SORCS1: variants seen among roughly 807,000 people sequenced by gnomAD.
SORCS1 encodes the protein sortilin related VPS10 domain containing receptor 1.
Under a neutral mutation model 146.1 loss-of-function variants are expected in SORCS1, and 60 were observed. The observed-to-expected ratio is 0.41, with a 90% CI of 0.33 to 0.51. The LOEUF is 0.51. SORCS1 is among the 20% of genes least tolerant of loss of function. The pLI, the probability that SORCS1 is intolerant of heterozygous loss-of-function variation, is 0.21. For missense variants in SORCS1, 1,352 were observed against 1,487.6 expected, an observed-to-expected ratio of 0.91 and a Z score of 1.50; for synonymous variants, 637 against 584.0, an observed-to-expected ratio of 1.09 and a Z score of -1.31.
At chr10:107,105,272 C>T (rs186968127) in intron 1 of SORCS1, among the ~76,000 whole-genome samples, 11 of 152,134 alleles carry the variant, frequency 7.2e-5, no homozygotes, top group African/African-American at 2.4e-4. Flanking sequence ...ATATGAAAGG[C>T]AAGTAGAAGT....
chr10:106,743,911 CA>C lies in SORCS1; in HGVS notation c.960-13798del, dbSNP rs1322088704. ...CTTTAATATTTTGCTGTTAATCCTT[CA>C]GTACTTTTTCAGTGTTCGTGTAGGC... is the stretch of plus-strand genomic sequence containing the variant. On this transcript the variant is annotated intron_variant, in intron 5 of 25. Coordinates refer to ENST00000263054, the MANE Select transcript of SORCS1 (RefSeq NM_052918.5). 3.9e-5 allele frequency among the ~76,000 whole-genome samples: 6 copies of C among 152,268 alleles called. No homozygotes were observed. In the East Asian group the frequency reaches 1.2e-3, roughly 29 times the overall value.
chr10:107,017,796 G>A (rs532942316), intron 1 of SORCS1, among the ~76,000 whole-genome samples: 7 of 152,160 alleles, frequency 4.6e-5, no homozygotes, highest in Admixed American at 3.3e-4. Flanking sequence ...GCACCCAAGT[G>A]CGTGCCACCA....
chr10:107,083,062 T>A (rs1310266666), intron 1 of SORCS1, among the ~76,000 whole-genome samples: 1 of 135,000 alleles, frequency 7.4e-6, no homozygotes, highest in Non-Finnish European at 1.5e-5. Context: ...TGAGCCATGA[T>A]CGCACCACTG....
At chr10:106,865,743 A>C (rs1346277387) in intron 2 of SORCS1, among the ~76,000 whole-genome samples, 1 of 151,212 alleles carries the variant, frequency 6.6e-6, no homozygotes, top group African/African-American at 2.4e-5. Flanking sequence ...AATAAAATAA[A>C]ATAAAATAAA....
intron 2 of SORCS1, among the ~76,000 whole-genome samples, chr10:106,891,501 A>ATTTTTTTTTTTTTTTTTTT (rs562213104): frequency 6.8e-5 from 5 of 74,060 alleles, no homozygotes; most frequent in African/African-American, 1.8e-4. Flanking sequence ...TTCAATGGGA[A>ATTTTTTTTTTTTTTTTTTT]TTCTTTTTTT....
At position 106,679,298 on chromosome 10, in the gene SORCS1, G is replaced by A; in HGVS notation, c.1698C>T (p.Ile566=). 6.2e-7 allele frequency: 1 copy of A among 1,613,340 alleles called. No individual in the cohort carries two copies. The highest frequency in any genetic ancestry group is 8.5e-7 in the Non-Finnish European group (1 of 1,179,530). Residue 566 remains isoleucine, a synonymous_variant, in exon 12 of 26, where the codon ATC becomes ATT. Transcript: ENST00000263054. The part of the protein sequence containing the change: ...NIGSELSDTD[I]SMFVSSDAGN... ...CTGCATCTGAAGAGACAAACATGCT[G>A]ATGTCAGTGTCTGACAATTCAGAAC...
intron 24 of SORCS1, among the ~76,000 whole-genome samples, chr10:106,594,085 C>T (rs1845769663): frequency 6.6e-6 from 1 of 152,194 alleles, no homozygotes; most frequent in South Asian, 2.1e-4. Flanking sequence ...GCTATAAATC[C>T]AAGGACCTTT....
chr10:106,909,946 G>T (rs1333855514), intron 2 of SORCS1, among the ~76,000 whole-genome samples: 1 of 152,178 alleles, frequency 6.6e-6, no homozygotes, highest in Non-Finnish European at 1.5e-5. Context: ...AAGAATCCAT[G>T]TTGTATATCA....
intron 1 of SORCS1, among the ~76,000 whole-genome samples, chr10:107,038,356 G>A (rs908993315): frequency 1.5e-5 from 2 of 133,804 alleles, no homozygotes; most frequent in Non-Finnish European, 3.1e-5. Context: ...GCCATGTAAT[G>A]TATACGGGTC....
intron 23 of SORCS1, among the ~76,000 whole-genome samples, chr10:106,600,013 C>T (rs573802903): frequency 6.6e-6 from 1 of 152,244 alleles, no homozygotes; most frequent in African/African-American, 2.4e-5. Context: ...TGGTCTCGAA[C>T]TCCTGACCAC....
At chr10:106,677,208 A>G (rs1257206102) in intron 13 of SORCS1, 105 bp downstream of exon 13, 1 of 1,087,140 alleles carries the variant, frequency 9.2e-7, no homozygotes, top group Non-Finnish European at 1.4e-6. Flanking sequence ...TTTTGGTAAC[A>G]GATTTACTAC....
chr10:107,100,505 C>T lies in SORCS1; in HGVS notation c.558+63464G>A, dbSNP rs921009331. 5.6e-5 allele frequency among the ~76,000 whole-genome samples: 8 copies of T among 143,376 alleles called. No individual in the cohort carries two copies. In the Admixed American group the frequency reaches 5.8e-4, roughly 10 times the overall value. The allele number at this position is 143,376 out of a possible 152,430, so 94.1% of individuals were successfully genotyped here. A position where few individuals can be genotyped will look rare whatever the true frequency, so the allele number is the denominator to read the frequency against. ...CTCCAGCCTGGGCAACAGAGCAAGA[C>T]TCCGCCTCAAAAAAAAAAAAAGTAA... On this transcript the variant is annotated intron_variant, in intron 1 of 25. Transcript: ENST00000263054.
At chr10:107,066,632 A>C (rs1447294155) in intron 1 of SORCS1, among the ~76,000 whole-genome samples, 1 of 152,198 alleles carries the variant, frequency 6.6e-6, no homozygotes, top group Non-Finnish European at 1.5e-5. Flanking sequence ...CTCTCATCTT[A>C]AGATTCAAAT....
At chr10:106,972,956 G>T (rs1333022663) in intron 1 of SORCS1, among the ~76,000 whole-genome samples, 2 of 152,202 alleles carry the variant, frequency 1.3e-5, no homozygotes, top group African/African-American at 4.8e-5. Flanking sequence ...TGATCTGGAA[G>T]TACGGCCTTG....
chr10:107,168,666 CTTTTTTT>C (rs57998261), upstream of SORCS1, among the ~76,000 whole-genome samples: 588 of 119,244 alleles, frequency 4.9e-3, 6 homozygotes, highest in African/African-American at 0.014. Context: ...CAGCTCATGC[CTTTTTTT>C]TTTTTTTTTT....
rs527288363 is a variant in SORCS1 at position 107,016,641 on chromosome 10, C to A, written c.559-60061G>T. On this transcript the variant is annotated intron_variant, in intron 1 of 25. Transcript: ENST00000263054. ...AAACAAGGATTTCTTTAATAGGACACTTAAGCACTAACCATAAAAGCAAAA... is the reference window on the plus strand; with the variant it reads ...AAACAAGGATTTCTTTAATAGGACAATTAAGCACTAACCATAAAAGCAAAA... Among the ~76,000 whole-genome samples, 4 of 152,294 alleles carry A rather than the reference C, an allele frequency of 2.6e-5. No individual in the cohort carries two copies. The South Asian group carries it at 8.3e-4, about 32-fold the overall frequency.
chr10:106,986,511 C>CGTGTGTGTGTGTGTGTGTGTGT (rs58888609), intron 1 of SORCS1, among the ~76,000 whole-genome samples: 1 of 148,312 alleles, frequency 6.7e-6, no homozygotes. Context: ...TATATACAAC[C>CGTGTGTGTGTGTGTGTGTGTGT]GTGTGTGTGT....
chr10:106,850,628 A>G (rs1350393906), intron 2 of SORCS1, among the ~76,000 whole-genome samples: 1 of 152,092 alleles, frequency 6.6e-6, no homozygotes. Context: ...TTTCCTTTCT[A>G]GGAGAGAGAA....
At chr10:107,010,533 A>T (rs1348692261) in intron 1 of SORCS1, among the ~76,000 whole-genome samples, 1 of 152,174 alleles carries the variant, frequency 6.6e-6, no homozygotes, top group African/African-American at 2.4e-5. Flanking sequence ...TCCATCACTC[A>T]GTTCATCTCC....
Sources: allele counts gnomAD v4.1 joint callset (sites outside exome capture counted in the v4.1 genomes callset), GRCh38; gene constraint gnomAD v4.1.1; transcripts MANE v1.5; gene names NCBI Gene and HGNC (gene_info 2026-07-23, HGNC 2026-07-21).